Variants in ECM2 observed in about 807,000 individuals in gnomAD.
ECM2 encodes extracellular matrix protein 2.
A neutral mutation model predicts 67.5 loss-of-function variants in ECM2; 57 were observed. That is an observed-to-expected ratio of 0.84 (90% CI 0.68 to 1.05). The LOEUF is 1.05. ECM2 is among the 50% of genes least tolerant of loss of function. The pLI, the probability that ECM2 is intolerant of heterozygous loss-of-function variation, is 0.00. For missense variants in ECM2, 741 were observed against 822.8 expected, an observed-to-expected ratio of 0.90 and a Z score of 1.22; for synonymous variants, 258 against 294.5, an observed-to-expected ratio of 0.88 and a Z score of 1.27.
At chr9:92,500,150 T>C (rs952430894) in intron 9 of ECM2, among the ~76,000 whole-genome samples, 1 of 152,216 alleles carries the variant, frequency 6.6e-6, no homozygotes, top group Non-Finnish European at 1.5e-5. Flanking sequence ...CATTTGAACC[T>C]CTCTCTAAAG....
downstream of ECM2, chr9:92,494,167 AAG>A: frequency 6.3e-7 from 1 of 1,596,152 alleles, no homozygotes; most frequent in Non-Finnish European, 8.5e-7. Context: ...AAGTCAGAGT[AAG>A]AAATGAATGA....
downstream of ECM2, chr9:92,494,053 C>T (rs1318124140): frequency 3.1e-6 from 5 of 1,594,938 alleles, no homozygotes; most frequent in East Asian, 6.7e-5. Context: ...TGCCTGCTTA[C>T]TTGTCTGTTT....
chr9:92,546,548 T>C, the ECM2 span, among the ~76,000 whole-genome samples: 4 of 151,744 alleles, frequency 2.6e-5, no homozygotes, highest in African/African-American at 9.7e-5. Context: ...AACGCCAAGG[T>C]CTGCAGCTTC....
At chr9:92,513,696 A>G (rs1158852768) in intron 4 of ECM2, among the ~76,000 whole-genome samples, 1 of 152,210 alleles carries the variant, frequency 6.6e-6, no homozygotes, top group African/African-American at 2.4e-5. Context: ...GTATTGTATG[A>G]TTCCACTTAT....
intron 4 of ECM2, 137 bp downstream of exon 4, chr9:92,514,494 C>G: frequency 8.2e-7 from 1 of 1,213,348 alleles, no homozygotes; most frequent in Non-Finnish European, 1.1e-6. Flanking sequence ...AGGCTGGTCT[C>G]AAACCCCTGA....
the ECM2 span, among the ~76,000 whole-genome samples, chr9:92,546,363 T>C: frequency 6.6e-6 from 1 of 152,142 alleles, no homozygotes; most frequent in African/African-American, 2.4e-5. Context: ...GCTTTGTTCT[T>C]TTGCTCTTTG....
downstream of ECM2, among the ~76,000 whole-genome samples, chr9:92,494,962 T>C (rs1422394996): frequency 6.6e-6 from 1 of 152,170 alleles, no homozygotes; most frequent in Non-Finnish European, 1.5e-5. Context: ...CTCATGAAAC[T>C]GAAAGTCACC....
At position 92,500,860 on chromosome 9, in the gene ECM2, G is replaced by A. The variant is rs1367908869; in HGVS notation, c.1798C>T (p.Arg600Cys). 12 of 1,614,080 alleles carry A rather than the reference G, an allele frequency of 7.4e-6. No homozygotes were observed. Among genetic ancestry groups the A allele is most frequent in the African/African-American group, 2.7e-5 (2 of 74,986 alleles). Residue 600 changes from arginine (R) to cysteine (C), a missense_variant, in exon 9 of 10, where the codon CGT becomes TGT. By Grantham distance (180) the Arg-to-Cys change is radical. Transcript: ENST00000344604. ...TGATATGCCCCATAGAAGGAGACACGGTCCATGCCATCATCAGCAAGTTTG... is the reference window on the plus strand; with the variant it reads ...TGATATGCCCCATAGAAGGAGACACAGTCCATGCCATCATCAGCAAGTTTG... ...FNKLADDGMD[R>C]VSFYGAYHSL... is the part of the protein sequence containing the mutation.
intron 6 of ECM2, among the ~76,000 whole-genome samples, chr9:92,507,918 C>T (rs1168647946): frequency 6.6e-6 from 1 of 152,174 alleles, no homozygotes; most frequent in Non-Finnish European, 1.5e-5. Flanking sequence ...CTTTGCTTGC[C>T]TTTCACCTTC....
chr9:92,555,973 G>A, the ECM2 span, among the ~76,000 whole-genome samples: 8 of 152,180 alleles, frequency 5.3e-5, no homozygotes, highest in South Asian at 2.1e-4. Context: ...AGTTCCTTGA[G>A]TTGTGACCTT....
chr9:92,545,661 C>A, the ECM2 span, among the ~76,000 whole-genome samples: 1 of 152,236 alleles, frequency 6.6e-6, no homozygotes, highest in Non-Finnish European at 1.5e-5. Flanking sequence ...CAGCCAGCTC[C>A]ACCTGCAGCC....
rs1487881257 is a variant in ECM2 at position 92,522,751 on chromosome 9, C to T, written c.116G>A (p.Arg39Lys). The change falls in exon 2 of 10, where the codon AGG becomes AAG. Residue 39 changes from arginine (R) to lysine (K), a missense_variant. Physicochemically the swap from Arg to Lys is conservative, Grantham distance 26. Transcript: ENST00000344604. ...GTGCTTGTGTGAGGTTGAACTTTTCCTCAACCTTCTGTGGTAGATCTTCCT... is the reference window on the plus strand; with the variant it reads ...GTGCTTGTGTGAGGTTGAACTTTTCTTCAACCTTCTGTGGTAGATCTTCCT... ...QRRKIYHRRL[R>K]KSSTSHKHRS... 3.7e-6 allele frequency: 6 copies of T among 1,614,094 alleles called. No individual in the cohort carries two copies. Among genetic ancestry groups the T allele is most frequent in the Non-Finnish European group, 5.1e-6 (6 of 1,180,010 alleles).
the ECM2 span, among the ~76,000 whole-genome samples, chr9:92,547,081 T>G: frequency 6.6e-6 from 1 of 152,196 alleles, no homozygotes; most frequent in Non-Finnish European, 1.5e-5. Context: ...TATATTATGA[T>G]TATACTGGGT....
chr9:92,505,358 G>A (rs1327084320), intron 7 of ECM2, among the ~76,000 whole-genome samples, 175 bp downstream of exon 7: 1 of 151,888 alleles, frequency 6.6e-6, no homozygotes, highest in African/African-American at 2.4e-5. Context: ...TTATAATTTC[G>A]ATTCAGAATT....
At chr9:92,532,179 GTCT>G (rs1848841289) in intron 1 of ECM2, among the ~76,000 whole-genome samples, 1 of 151,026 alleles carries the variant, frequency 6.6e-6, no homozygotes, top group South Asian at 2.1e-4. Context: ...CAATTTCTAT[GTCT>G]TCTTTTTTCC....
chr9:92,552,821 G>T, the ECM2 span, among the ~76,000 whole-genome samples: 1 of 151,994 alleles, frequency 6.6e-6, no homozygotes, highest in African/African-American at 2.4e-5. Context: ...TGTTCCTTTT[G>T]CCGTGCAAAA....
the ECM2 span, among the ~76,000 whole-genome samples, chr9:92,550,500 T>TAAAAAAAAAAAAAA: frequency 6.6e-6 from 1 of 152,036 alleles, no homozygotes; most frequent in African/African-American, 2.4e-5. Flanking sequence ...AGAATTAAAA[T>TAAAAAAAAAAAAAA]AAACTGTAAG....
intron 7 of ECM2, among the ~76,000 whole-genome samples, chr9:92,503,499 TTAAC>T (rs1336234815): frequency 1.3e-5 from 2 of 152,250 alleles, no homozygotes; most frequent in South Asian, 2.1e-4. Flanking sequence ...TTAAAGTTAA[TTAAC>T]AGCCTTAATT....
At chr9:92,516,275 G>A (rs1156997271) in intron 3 of ECM2, among the ~76,000 whole-genome samples, 1 of 152,042 alleles carries the variant, frequency 6.6e-6, no homozygotes, top group Non-Finnish European at 1.5e-5. Flanking sequence ...ATGTTGACCA[G>A]GCTGGTCTCG....
Sources: allele counts gnomAD v4.1 joint callset (sites outside exome capture counted in the v4.1 genomes callset), GRCh38; gene constraint gnomAD v4.1.1; transcripts MANE v1.5; gene names NCBI Gene and HGNC (gene_info 2026-07-23, HGNC 2026-07-21).